Variants in MLPH observed in about 807,000 individuals in gnomAD.
MLPH encodes the protein exophilin-3.
In MLPH, 51 loss-of-function variants were observed where a neutral mutation model predicts 72.1. The ratio of observed to expected loss-of-function variants is 0.71; its 90% CI spans 0.56 to 0.89. The LOEUF (loss-of-function observed/expected upper bound fraction) is 0.89. MLPH is among the 40% of genes least tolerant of loss of function. The probability of loss-of-function intolerance (pLI) is 0.00; values close to 1 mark genes in which losing one functional copy is unlikely to be tolerated. For missense variants in MLPH, 743 were observed against 759.9 expected (o/e 0.98, Z 0.26); for synonymous variants, 301 against 310.1 (o/e 0.97, Z 0.31).
At chr2:237,508,756 C>T (rs1283699224) in intron 2 of MLPH, among the ~76,000 whole-genome samples, 3 of 152,156 alleles carry the variant, frequency 2.0e-5, no homozygotes, top group Non-Finnish European at 4.4e-5. Context: ...CTGTCTTAAC[C>T]AGTTCTTCTC....
At chr2:237,503,833 A>G (rs1346744252) in intron 2 of MLPH, among the ~76,000 whole-genome samples, 1 of 152,128 alleles carries the variant, frequency 6.6e-6, no homozygotes, top group Non-Finnish European at 1.5e-5. Context: ...ATCCCCCCCA[A>G]AAAGATGTCT....
chr2:237,527,033 A>G (rs985591768), intron 7 of MLPH, among the ~76,000 whole-genome samples: 1 of 152,160 alleles, frequency 6.6e-6, no homozygotes, highest in African/African-American at 2.4e-5. Flanking sequence ...CAAACCTAAA[A>G]TGTGGCTTGA....
In MLPH at chr2:237,540,533, G is replaced by T. The variant is rs761721257; in HGVS notation, c.1290G>T (p.Glu430Asp). 1 of 1,609,974 alleles carries T rather than the reference G, an allele frequency of 6.2e-7. No homozygotes were observed. Among genetic ancestry groups the T allele is most frequent in the South Asian group, 1.1e-5 (1 of 90,730 alleles). ...SVGPLPQADP[E>D]VGTAAHQTNR... ...GGCCTCTCCCCCAGGCGGACCCGGAGGTAAGACTATCCCCCAGAGGTCTCA... is the reference window on the plus strand; with the variant it reads ...GGCCTCTCCCCCAGGCGGACCCGGATGTAAGACTATCCCCCAGAGGTCTCA... The change falls in exon 10 of 16, where the codon GAG becomes GAT. Residue 430 changes from glutamate (E) to aspartate (D), a missense_variant and splice_region_variant. Transcript: ENST00000264605.
At chr2:237,551,253 C>T (rs1407445435) in intron 14 of MLPH, among the ~76,000 whole-genome samples, 2 of 152,178 alleles carry the variant, frequency 1.3e-5, no homozygotes, top group African/African-American at 2.4e-5. Flanking sequence ...GGAGCGGGGA[C>T]GGAGGGCCGG....
chr2:237,492,598 C>T (rs544498992), intron 1 of MLPH, among the ~76,000 whole-genome samples: 1 of 152,202 alleles, frequency 6.6e-6, no homozygotes, highest in Non-Finnish European at 1.5e-5. Context: ...AGCCCCACAG[C>T]TGACCTCTCG....
At chr2:237,528,236 A>G (rs1014086510) in intron 8 of MLPH, among the ~76,000 whole-genome samples, 4 of 152,184 alleles carry the variant, frequency 2.6e-5, no homozygotes, top group African/African-American at 4.8e-5. Context: ...TATACTTAAT[A>G]CCTTAAAAAT....
rs186966941 is a variant in MLPH, at chr2:237,505,266, G to A, written c.111-5308G>A. Among the ~76,000 whole-genome samples the A allele has an allele frequency of 3.4e-3, 521 of 152,216 alleles. 14 individuals carry two copies. The highest frequency in any genetic ancestry group is 0.032 in the Admixed American group (485 of 15,306). ...GGGTACTGGCCGGGCACTGAGATAC[G>A]GATGGCACCCACCACTGAGACCCTG... On this transcript the variant is annotated intron_variant, in intron 2 of 15. Transcript: ENST00000264605. This position sits in a 1 kb window ranked among gnomAD's most constrained non-coding sequence, Gnocchi z 4.5.
At chr2:237,494,277 G>C (rs1342043828) in intron 2 of MLPH, among the ~76,000 whole-genome samples, 1 of 152,168 alleles carries the variant, frequency 6.6e-6, no homozygotes, top group African/African-American at 2.4e-5. Context: ...AGAGAGTGGA[G>C]GGCAGAGGGC....
chr2:237,553,213 G>A (rs1248217511), intron 15 of MLPH: 17 of 487,698 alleles, frequency 3.5e-5, no homozygotes, highest in East Asian at 1.2e-4. Context: ...GGTTGGTTGC[G>A]GGAGGGGACC....
intron 8 of MLPH, 46 bp downstream of exon 8, chr2:237,527,562 G>A (rs768593333): frequency 3.7e-6 from 6 of 1,612,778 alleles, no homozygotes; most frequent in South Asian, 1.1e-5. Flanking sequence ...TCTTTGGGTG[G>A]AGTCTTTTTA....
At chr2:237,517,435 G>GTGGA (rs1291122941) in intron 4 of MLPH, among the ~76,000 whole-genome samples, 1 of 149,096 alleles carries the variant, frequency 6.7e-6, no homozygotes, top group Non-Finnish European at 1.5e-5. Context: ...GAGTGGATAG[G>GTGGA]TGGATGGATG....
chr2:237,547,239 T>A (rs1353659119), intron 13 of MLPH, among the ~76,000 whole-genome samples: 2 of 152,236 alleles, frequency 1.3e-5, no homozygotes, highest in African/African-American at 4.8e-5. Flanking sequence ...CAGGAGCCAG[T>A]GTGCTCGAAA....
intron 4 of MLPH, among the ~76,000 whole-genome samples, chr2:237,515,473 C>T (rs1051251872): frequency 6.6e-6 from 1 of 152,104 alleles, no homozygotes; most frequent in African/African-American, 2.4e-5. Context: ...TGCAGAGGGG[C>T]CCCAGGCCCG....
At chr2:237,546,927 G>A (rs140967046) in intron 13 of MLPH, among the ~76,000 whole-genome samples, 43 of 152,346 alleles carry the variant, frequency 2.8e-4, no homozygotes, top group African/African-American at 1.0e-3. Context: ...GCCCAGTAGG[G>A]GAGCGGGAAA....
chr2:237,518,468 G>A (rs1574861937), intron 4 of MLPH, 71 bp from the exon 5 acceptor site: 5 of 1,253,978 alleles, frequency 4.0e-6, no homozygotes, highest in African/African-American at 3.0e-5. Flanking sequence ...ATGGATGGGT[G>A]GATGGGCTGA....
chr2:237,549,308 G>A (rs765773639), intron 14 of MLPH, 30 bp downstream of exon 14: 2 of 1,602,134 alleles, frequency 1.2e-6, no homozygotes, highest in Admixed American at 1.7e-5. Flanking sequence ...CCACCCCCAT[G>A]GGCCTGGGAA....
At chr2:237,511,124 G>A (rs373705818) in intron 4 of MLPH, 23 bp downstream of exon 4, 26 of 1,584,044 alleles carry the variant, frequency 1.6e-5, no homozygotes, top group East Asian at 1.1e-4. Flanking sequence ...GAGTAAGAAC[G>A]GCTTTTTGTT....
At chr2:237,519,426 G>C (rs1257667292) in intron 5 of MLPH, among the ~76,000 whole-genome samples, 2 of 152,188 alleles carry the variant, frequency 1.3e-5, no homozygotes, top group Admixed American at 1.3e-4. Flanking sequence ...GCAGTTTAAA[G>C]GATCAAAAGA....
chr2:237,493,659 C>A, intron 2 of MLPH, 123 bp downstream of exon 2: 1 of 736,940 alleles, frequency 1.4e-6, no homozygotes, highest in South Asian at 1.4e-5. Flanking sequence ...GGACAGGAAG[C>A]CAGGTCTGGG....
Sources: allele counts gnomAD v4.1 joint callset (sites outside exome capture counted in the v4.1 genomes callset), GRCh38; gene constraint gnomAD v4.1.1; non-coding constraint Gnocchi (gnomAD v3.1); transcripts MANE v1.5; gene names NCBI Gene and HGNC (gene_info 2026-07-23, HGNC 2026-07-21).